WIZ: variants seen among roughly 807,000 people sequenced by gnomAD.
The protein encoded by WIZ is WIZ zinc finger, also known as protein Wiz.
WIZ carries 25 observed loss-of-function variants against 140.2 expected under a neutral mutation model. The observed-to-expected ratio is 0.18, with a 90% CI of 0.13 to 0.25. WIZ has a LOEUF of 0.25. Ranked by LOEUF, WIZ falls within the 10% of genes least tolerant of loss-of-function variation. WIZ has a pLI of 1.00. For synonymous variants in WIZ, 1,125 were observed against 1,154.3 expected (o/e 0.97, Z 0.51); for missense variants, 2,231 against 2,632.6 (o/e 0.85, Z 3.34).
At chr19:15,436,630 A>G (rs937608159) in intron 5 of WIZ, 176 bp downstream of exon 5, 2 of 621,284 alleles carry the variant, frequency 3.2e-6, no homozygotes, top group Non-Finnish European at 5.1e-6. Flanking sequence ...CCTGAGTGAA[A>G]CAGAAAGGAC....
In WIZ at chr19:15,424,368, G is replaced by A; in HGVS notation, c.5325C>T (p.Arg1775=). Reference sequence around the variant, plus strand: ...AGGCATCTGGAGGGCGGGCTTGTCGGCGTTCAAATTCTAAGGTGGAGAGGG... The same window carrying A: ...AGGCATCTGGAGGGCGGGCTTGTCGACGTTCAAATTCTAAGGTGGAGAGGG... ...HQRQNINKFE[R]RQARPPDASA... Residue 1775 remains arginine, a synonymous_variant, in exon 12 of 13, where the codon CGC becomes CGT. Transcript: ENST00000673675. The surrounding 1 kb of genome is among the most constrained non-coding windows in gnomAD (Gnocchi z 9.7). 1 of 1,601,904 alleles carries A rather than the reference G, an allele frequency of 6.2e-7. No homozygotes were observed. Among genetic ancestry groups the A allele is most frequent in the Admixed American group, 1.7e-5 (1 of 57,374 alleles).
intron 2 of WIZ, among the ~76,000 whole-genome samples, chr19:15,445,488 GATCA>G (rs1187222774): frequency 6.6e-6 from 1 of 152,146 alleles, no homozygotes; most frequent in Non-Finnish European, 1.5e-5. Flanking sequence ...AGGCCTGGGG[GATCA>G]GGGCTGGTTC....
At position 15,439,584 on chromosome 19, in the gene WIZ, A is replaced by C. The variant is rs1599701686; in HGVS notation, c.1410T>G (p.Gly470=). 1 of 1,485,306 alleles carries C rather than the reference A, an allele frequency of 6.7e-7. No homozygotes were observed. The highest frequency in any genetic ancestry group is 1.3e-5 in the South Asian group (1 of 78,708). The allele number at this position is 1,485,306 out of a possible 1,614,324, so 92.0% of individuals were successfully genotyped here. A position where few individuals can be genotyped will look rare whatever the true frequency, so the allele number is the denominator to read the frequency against. ...AVGLSACVFC[G]FPAPSESLLR... is the part of the protein sequence containing the mutation. ...GCAGGCTCTCGCTGGGCGCGGGGAA[A>C]CCACAGAAGACACAGGCGCTGAGGC... Residue 470 remains glycine, a synonymous_variant, in exon 4 of 13, where the codon GGT becomes GGG. Coordinates refer to ENST00000673675, the MANE Select transcript of WIZ (RefSeq NM_001371589.1). The surrounding 1 kb of genome is among the most constrained non-coding windows in gnomAD (Gnocchi z 7.0).
rs768102512 is a variant in WIZ at position 15,431,176 on chromosome 19, C to G, written c.2747G>C (p.Gly916Ala). The change falls in exon 6 of 13, where the codon GGT becomes GCT. Residue 916 changes from glycine (G) to alanine (A), a missense_variant. Physicochemically the swap from Gly to Ala is moderately conservative, Grantham distance 60. This residue lies in a region of WIZ where 137 missense variants were observed against 135.8 expected (regional missense o/e 1.01). Coordinates refer to ENST00000673675, the MANE Select transcript of WIZ (RefSeq NM_001371589.1). ...DPGPAYGDGL[G>A]SEENAMVAMD... is the part of the protein sequence containing the mutation. ...GGCCACCATTGCGTTTTCCTCAGAA[C>G]CCAGGCCTGTGGGTTGGGGAGACAG... 17 of 1,521,838 alleles carry G rather than the reference C, an allele frequency of 1.1e-5. No individual in the cohort carries two copies. Among genetic ancestry groups the G allele is most frequent in the Non-Finnish European group, 1.5e-5 (17 of 1,137,646 alleles). The allele number at this position is 1,521,838 out of a possible 1,614,324, so 94.3% of individuals were successfully genotyped here.
intron 5 of WIZ, among the ~76,000 whole-genome samples, chr19:15,432,732 GC>G (rs1456092566): frequency 6.6e-6 from 1 of 151,130 alleles, no homozygotes; most frequent in African/African-American, 2.4e-5. Flanking sequence ...CGGGGCGGCC[GC>G]CCCAGGCGGG....
intron 10 of WIZ, 68 bp downstream of exon 10, chr19:15,425,173 T>C (rs1968661703): frequency 6.5e-6 from 10 of 1,544,988 alleles, no homozygotes; most frequent in South Asian, 1.2e-5. Context: ...GTGTGCACGC[T>C]TGTGGCATTG....
rs921579848 is a variant in WIZ at position 15,429,786 on chromosome 19, T to C, written c.3215A>G (p.Lys1072Arg). The change falls in exon 7 of 13, where the codon AAG becomes AGG. Residue 1072 changes from lysine (K) to arginine (R), a missense_variant. Around this residue, in one of 15 missense-constraint regions of WIZ, gnomAD observed 163 missense variants for 166.8 expected, o/e 0.98. Coordinates refer to ENST00000673675, the MANE Select transcript of WIZ (RefSeq NM_001371589.1). ...CTTGGCCGAGAAGCCGGGAGGCGAC[T>C]TGATGGCTTTGTTGACAGCAGGGGC... ...LDAPAVNKAI[K>R]SPPGFSAKGL... 1.3e-6 allele frequency: 2 copies of C among 1,519,208 alleles called. No individual in the cohort carries two copies. The highest frequency in any genetic ancestry group is 2.8e-5 in the African/African-American group (2 of 72,380). 94.1% of individuals were successfully genotyped at this position (1,519,208 alleles called of 1,614,324 possible). A position where few individuals can be genotyped will look rare whatever the true frequency, so the allele number is the denominator to read the frequency against.
intron 5 of WIZ, among the ~76,000 whole-genome samples, chr19:15,436,225 A>G (rs1969511822): frequency 6.6e-6 from 1 of 152,254 alleles, no homozygotes; most frequent in African/African-American, 2.4e-5. Flanking sequence ...TACATGACCA[A>G]TGGTGTCCCT....
At chr19:15,443,260 C>T (rs894677993) in intron 2 of WIZ, among the ~76,000 whole-genome samples, 3 of 152,178 alleles carry the variant, frequency 2.0e-5, no homozygotes, top group East Asian at 1.9e-4. Context: ...TTAGTAGTGA[C>T]GGCGTTTCGC....
In WIZ at chr19:15,442,832, G is replaced by A. The variant is rs1469985281; in HGVS notation, c.206-84C>T. 1.9e-5 allele frequency: 17 copies of A among 887,756 alleles called. No individual in the cohort carries two copies. The East Asian group carries it at 3.0e-4, about 16-fold the overall frequency. 55.0% of individuals were successfully genotyped at this position (887,756 alleles called of 1,614,324 possible). ...ACCCCAGCTCCAGGAGCCCTGCCAG[G>A]TGCCTCAGAAAGGCCCTGCTGGCTC... On this transcript the variant is annotated intron_variant, in intron 2 of 12. Coordinates refer to ENST00000673675, the MANE Select transcript of WIZ (RefSeq NM_001371589.1). The surrounding 1 kb of genome is among the most constrained non-coding windows in gnomAD (Gnocchi z 5.5).
At chr19:15,438,012 C>T (rs1316768877) in intron 4 of WIZ, among the ~76,000 whole-genome samples, 4 of 152,104 alleles carry the variant, frequency 2.6e-5, no homozygotes, top group African/African-American at 4.8e-5. Context: ...CACACACACA[C>T]GCACACACAC....
rs903444414 is a variant in WIZ at position 15,422,907 on chromosome 19, C to T, written c.*169G>A. On this transcript the variant is annotated 3_prime_UTR_variant, in exon 13 of 13. Coordinates refer to ENST00000673675, the MANE Select transcript of WIZ (RefSeq NM_001371589.1). The stretch of plus-strand genomic sequence containing the variant: ...CTCGGGCTGGGGGAAGGGCAGCTAG[C>T]TGGCTCCCGGCGCCCTGGCTGTAGT... 47 of 1,007,394 alleles carry T rather than the reference C, an allele frequency of 4.7e-5. No homozygotes were observed. The highest frequency in any genetic ancestry group is 6.0e-5 in the Admixed American group (2 of 33,590). The allele number at this position is 1,007,394 out of a possible 1,614,324, so 62.4% of individuals were successfully genotyped here.
rs1333117978 is a variant in WIZ at position 15,429,947 on chromosome 19, C to T, written c.3054G>A (p.Glu1018=). ...SSGAPIDLLY[E]LVKQKGLPDA... The stretch of plus-strand genomic sequence containing the variant: ...CAGGCAGACCCTTCTGCTTCACAAG[C>T]TCGTAGAGGAGGTCGATGGGTGCGC... Residue 1018 remains glutamate (E), a synonymous_variant, in exon 7 of 13, where the codon GAG becomes GAA. Coordinates refer to ENST00000673675, the MANE Select transcript of WIZ (RefSeq NM_001371589.1). 2.6e-6 allele frequency: 4 copies of T among 1,536,046 alleles called. No homozygotes were observed. The highest frequency in any genetic ancestry group is 3.5e-6 in the Non-Finnish European group (4 of 1,146,822).
chr19:15,449,457 G>C (rs1056052071), intron 1 of WIZ: 2 of 152,430 alleles, frequency 1.3e-5, no homozygotes, highest in African/African-American at 4.8e-5. Flanking sequence ...CGTGGGGAGG[G>C]GGCTCCTACC....
At position 15,432,755 on chromosome 19, in the gene WIZ, G is replaced by C. The variant is rs948087596; in HGVS notation, c.2741-1573C>G. ...CCGCCCCAGGCGGGAGCAGCTGAGCGCCGAGTGCCGAGTGCCGCTGCCGCC... is the reference window on the plus strand; with the variant it reads ...CCGCCCCAGGCGGGAGCAGCTGAGCCCCGAGTGCCGAGTGCCGCTGCCGCC... On this transcript the variant is annotated intron_variant, in intron 5 of 12. Transcript: ENST00000673675. 4.4e-4 allele frequency among the ~76,000 whole-genome samples: 66 copies of C among 151,440 alleles called. 1 individual carries two copies. Among genetic ancestry groups the C allele is most frequent in the African/African-American group, 1.5e-3 (63 of 41,418 alleles).
chr19:15,438,851 G>C lies in WIZ; in HGVS notation c.2143C>G (p.His715Asp). The C allele has an allele frequency of 6.8e-7, 1 of 1,477,266 alleles. No homozygotes were observed. Among genetic ancestry groups the C allele is most frequent in the Non-Finnish European group, 9.0e-7 (1 of 1,112,920 alleles). The allele number at this position is 1,477,266 out of a possible 1,614,324, so 91.5% of individuals were successfully genotyped here. Residue 715 changes from histidine to aspartate, a missense_variant, in exon 4 of 13, where the codon CAC (histidine) becomes GAC (aspartate). His to Asp is a moderately conservative substitution (Grantham distance 81, BLOSUM62 -1). Coordinates refer to ENST00000673675, the MANE Select transcript of WIZ (RefSeq NM_001371589.1). ...TCCAGGAGCAGGAAGTCCAGGGGGT[G>C]GGCGCCTGCCAGCCCCAGCTCCTCG... is the stretch of plus-strand genomic sequence containing the variant. ...QPEELGLAGA[H>D]PLDFLLLDAP...
At chr19:15,445,179 C>T (rs1194296456) in intron 2 of WIZ, among the ~76,000 whole-genome samples, 2 of 152,198 alleles carry the variant, frequency 1.3e-5, no homozygotes, top group African/African-American at 4.8e-5. Flanking sequence ...CTGGGTTCCC[C>T]GAGAGAGTTT....
At position 15,429,816 on chromosome 19, in the gene WIZ, A is replaced by G. The variant is rs1969107259; in HGVS notation, c.3185T>C (p.Leu1062Ser). ...RPGLLSLAKPLDAPAVNKAIK... is the reference protein window; with the variant it reads ...RPGLLSLAKPSDAPAVNKAIK... ...GGCTTTGTTGACAGCAGGGGCATCCAAGGGCTTGGCCAGGCTGAGCAAGCC... is the reference window on the plus strand; with the variant it reads ...GGCTTTGTTGACAGCAGGGGCATCCGAGGGCTTGGCCAGGCTGAGCAAGCC... Residue 1062 changes from leucine to serine, a missense_variant, in exon 7 of 13, where the codon TTG becomes TCG. Physicochemically the swap from Leu to Ser is moderately radical, Grantham distance 145. Transcript: ENST00000673675. 1 of 1,527,186 alleles carries G rather than the reference A, an allele frequency of 6.5e-7. No individual in the cohort carries two copies. The highest frequency in any genetic ancestry group is 8.8e-7 in the Non-Finnish European group (1 of 1,140,918). The allele number at this position is 1,527,186 out of a possible 1,614,324, so 94.6% of individuals were successfully genotyped here. A position where few individuals can be genotyped will look rare whatever the true frequency, so the allele number is the denominator to read the frequency against.
chr19:15,436,853 G>A lies in WIZ; in HGVS notation c.2693C>T (p.Pro898Leu). ...GTCCTCAGCCCAGGTGGGTGGAAAG[G>A]GCACCGTGAGAGGTAAGCGGGGCCG... ...SRRPRLPLTV[P>L]FPPTWAEDPG... The change falls in exon 5 of 13, where the codon CCC becomes CTC. Residue 898 changes from proline to leucine, a missense_variant. This residue lies in a region of WIZ where 137 missense variants were observed against 135.8 expected (regional missense o/e 1.01). Transcript: ENST00000673675. The A allele has an allele frequency of 6.2e-7, 1 of 1,611,614 alleles. No homozygotes were observed. The highest frequency in any genetic ancestry group is 1.3e-5 in the African/African-American group (1 of 74,902).
Sources: gnomAD v4.1 joint callset for allele counts (sites outside exome capture counted in the v4.1 genomes callset) on GRCh38, gnomAD v4.1.1 for gene constraint, gnomAD v4.1.1 regional missense constraint, Gnocchi (gnomAD v3.1) non-coding constraint, MANE v1.5 for transcripts, NCBI Gene and HGNC (gene_info 2026-07-23, HGNC 2026-07-21) for gene names.